Variants in PARD3B observed in about 807,000 individuals in gnomAD.
The protein encoded by PARD3B is partitioning defective 3 homolog B.
Under a neutral mutation model 130.2 loss-of-function variants are expected in PARD3B, and 103 were observed. The ratio of observed to expected loss-of-function variants is 0.79; its 90% confidence interval spans 0.67 to 0.93. The LOEUF is 0.93. Among genes scored for constraint, PARD3B ranks in the 40% least tolerant of loss-of-function variants. PARD3B has a pLI of 0.00. For missense variants in PARD3B, 1,609 were observed against 1,499.2 expected, an observed-to-expected ratio of 1.07 and a Z score of -1.21; for synonymous variants, 583 against 553.2, an observed-to-expected ratio of 1.05 and a Z score of -0.76.
chr2:204,880,969 A>C (rs79207926), intron 2 of PARD3B, among the ~76,000 whole-genome samples: 2,822 of 152,320 alleles, frequency 0.019, 60 homozygotes, highest in East Asian at 0.11. Flanking sequence ...ATCAGAGATC[A>C]GAGAAGTCAT....
At chr2:205,222,766 A>G (rs1308214891) in intron 15 of PARD3B, among the ~76,000 whole-genome samples, 1 of 152,188 alleles carries the variant, frequency 6.6e-6, no homozygotes, top group Non-Finnish European at 1.5e-5. Flanking sequence ...TTTGAGTGGT[A>G]AACATAGTCC....
rs185341168 is a variant in PARD3B, at chr2:204,676,402, G to A, written c.121-9779G>A. 2.2e-3 allele frequency among the ~76,000 whole-genome samples: 342 copies of A among 152,156 alleles called. 2 individuals are homozygous for A. Among genetic ancestry groups the A allele is most frequent in the African/African-American group, 8.0e-3 (331 of 41,518 alleles). ...TAGACTTTCTGCTTGGGGATGCACA[G>A]TAACAGGGGAATCCTGCAGAATTGC... On this transcript the variant is annotated intron_variant, in intron 1 of 22. Transcript: ENST00000406610.
At chr2:205,217,706 A>T (rs1426575178) in intron 15 of PARD3B, among the ~76,000 whole-genome samples, 1 of 150,696 alleles carries the variant, frequency 6.6e-6, no homozygotes. Context: ...ATACACACAT[A>T]CATATATATA....
chr2:205,422,774 T>A (rs922773546), intron 19 of PARD3B, among the ~76,000 whole-genome samples: 8 of 152,046 alleles, frequency 5.3e-5, no homozygotes, highest in Non-Finnish European at 8.8e-5. Flanking sequence ...GGCCACTAGG[T>A]AGGCCAAGGA....
chr2:204,941,756 T>C (rs1688921569), intron 2 of PARD3B, among the ~76,000 whole-genome samples: 1 of 152,220 alleles, frequency 6.6e-6, no homozygotes, highest in Admixed American at 6.5e-5. Context: ...TGCAGAGTGT[T>C]GAAGAAATAA....
At chr2:205,085,607 A>G (rs1465055165) in intron 4 of PARD3B, among the ~76,000 whole-genome samples, 1 of 151,974 alleles carries the variant, frequency 6.6e-6, no homozygotes, top group Admixed American at 6.6e-5. Context: ...ATTATCATTC[A>G]TTGCTTTTCC....
At chr2:204,801,963 T>A (rs2042585925) in intron 2 of PARD3B, among the ~76,000 whole-genome samples, 1 of 152,220 alleles carries the variant, frequency 6.6e-6, no homozygotes, top group Non-Finnish European at 1.5e-5. Context: ...ATTGAGATAA[T>A]CATGTGGTTT....
chr2:205,485,423 T>C (rs891720940), intron 20 of PARD3B, among the ~76,000 whole-genome samples: 1 of 152,140 alleles, frequency 6.6e-6, no homozygotes, highest in African/African-American at 2.4e-5. Flanking sequence ...GAGATTGAAA[T>C]AGAGAACTTT....
At chr2:204,575,911 A>C (rs1014772414) in intron 1 of PARD3B, among the ~76,000 whole-genome samples, 1 of 152,196 alleles carries the variant, frequency 6.6e-6, no homozygotes, top group Non-Finnish European at 1.5e-5. Context: ...TTGGTTGCTC[A>C]GGCGGTTCTT....
rs920269271 is a variant in PARD3B, at chr2:205,229,864, C to G, written c.2141-15914C>G. Reference sequence around the variant, plus strand: ...CTCCATTTTCTTGAGTCTGAGCTGGCACCAAGCCCCACTTTTCCCTCTTCT... The same window carrying G: ...CTCCATTTTCTTGAGTCTGAGCTGGGACCAAGCCCCACTTTTCCCTCTTCT... On this transcript the variant is annotated intron_variant, in intron 15 of 22. Coordinates refer to ENST00000406610, the MANE Select transcript of PARD3B (RefSeq NM_001302769.2). The surrounding 1 kb of genome is among the most constrained non-coding windows in gnomAD (Gnocchi z 5.2). 4.0e-5 allele frequency among the ~76,000 whole-genome samples: 6 copies of G among 151,830 alleles called. No homozygotes were observed. Among genetic ancestry groups the G allele is most frequent in the African/African-American group, 1.5e-4 (6 of 41,336 alleles).
chr2:205,193,695 A>G (rs1314881402), intron 15 of PARD3B, among the ~76,000 whole-genome samples: 2 of 152,178 alleles, frequency 1.3e-5, no homozygotes, highest in African/African-American at 4.8e-5. Context: ...TACCTGTTGC[A>G]GAGCCTGGGA....
chr2:204,567,396 C>A (rs2031739441), intron 1 of PARD3B, among the ~76,000 whole-genome samples: 1 of 152,160 alleles, frequency 6.6e-6, no homozygotes, highest in Admixed American at 6.5e-5. Context: ...CAGGCTCTGA[C>A]AACCACCATT....
In PARD3B at chr2:205,015,919, C is replaced by T. The variant is rs1173540002; in HGVS notation, c.395-31662C>T. Among the ~76,000 whole-genome samples, 6 of 152,180 alleles carry T rather than the reference C, an allele frequency of 3.9e-5. No individual in the cohort carries two copies. Among genetic ancestry groups the T allele is most frequent in the African/African-American group, 1.4e-4 (6 of 41,450 alleles). On this transcript the variant is annotated intron_variant, in intron 3 of 22. Transcript: ENST00000406610. The surrounding 1 kb of genome is among the most constrained non-coding windows in gnomAD (Gnocchi z 4.5). ...GAAACCTGCAGCCTTGCCTGCCTAC[C>T]TAGACCGTTTCTGCACTCCACCTGA...
intron 20 of PARD3B, among the ~76,000 whole-genome samples, chr2:205,495,336 C>T (rs567112503): frequency 2.6e-5 from 4 of 152,200 alleles, no homozygotes; most frequent in African/African-American, 9.6e-5. Flanking sequence ...TCCAGCACAT[C>T]GAAAGTGTAA....
chr2:205,400,955 C>T (rs1437076924), intron 18 of PARD3B, 58 bp from the exon 19 acceptor site: 8 of 1,273,990 alleles, frequency 6.3e-6, no homozygotes, highest in Non-Finnish European at 8.9e-6. Flanking sequence ...AATATCTTAG[C>T]TCTACCGCAA....
Position 205,470,883 on chromosome 2 carries a change from A to G in PARD3B, c.3045-29013A>G, listed in dbSNP as rs1441998345. Among the ~76,000 whole-genome samples, 2 of 152,218 alleles carry G rather than the reference A, an allele frequency of 1.3e-5. No individual in the cohort carries two copies. The highest frequency in any genetic ancestry group is 4.8e-5 in the African/African-American group (2 of 41,454). ...ATTACAGACAAGTAGACATGGAAGG[A>G]TACTTTAAAACAAAGTGTGTTTTCA... On this transcript the variant is annotated intron_variant, in intron 20 of 22. Transcript: ENST00000406610. This position sits in a 1 kb window ranked among gnomAD's most constrained non-coding sequence, Gnocchi z 4.8.
At chr2:205,040,447 C>G (rs1698316338) in intron 3 of PARD3B, among the ~76,000 whole-genome samples, 1 of 152,244 alleles carries the variant, frequency 6.6e-6, no homozygotes. Flanking sequence ...TCTTTTTGTA[C>G]CATATCTCTG....
intron 2 of PARD3B, among the ~76,000 whole-genome samples, chr2:204,865,551 G>C (rs1037586143): frequency 6.6e-6 from 1 of 152,154 alleles, no homozygotes; most frequent in Non-Finnish European, 1.5e-5. Flanking sequence ...ACCAAACATC[G>C]TATGTTCTCA....
Position 205,500,087 on chromosome 2 carries a change from G to A in PARD3B, c.3180+56G>A, listed in dbSNP as rs577411879. The A allele has an allele frequency of 1.0e-5, 16 of 1,582,636 alleles. No individual in the cohort carries two copies. The African/African-American group carries it at 1.1e-4, about 11-fold the overall frequency. The stretch of plus-strand genomic sequence containing the variant: ...TTCATCTTTTCTAAGAATGTTTAGA[G>A]CAGAAGAACACGGTCAAGAATGTTC... On this transcript the variant is annotated intron_variant, in intron 21 of 22. Coordinates refer to ENST00000406610, the MANE Select transcript of PARD3B (RefSeq NM_001302769.2).
Sources: allele counts gnomAD v4.1 joint callset (sites outside exome capture counted in the v4.1 genomes callset), GRCh38; gene constraint gnomAD v4.1.1; non-coding constraint Gnocchi (gnomAD v3.1); transcripts MANE v1.5; gene names NCBI Gene and HGNC (gene_info 2026-07-23, HGNC 2026-07-21).